STARD13: variants seen among roughly 807,000 people sequenced by gnomAD.
STARD13 encodes stAR-related lipid transfer protein 13.
In STARD13, 62 loss-of-function variants were observed where a neutral mutation model predicts 106.4. That is an observed-to-expected ratio of 0.58 (90% CI 0.48 to 0.72). STARD13 has a LOEUF of 0.72. STARD13 is among the 30% of genes least tolerant of loss of function. STARD13 has a pLI of 0.00. For synonymous variants in STARD13, 565 were observed against 553.0 expected (o/e 1.02, Z -0.31); for missense variants, 1,387 against 1,424.0 (o/e 0.97, Z 0.42).
chr13:33,588,409 A>G, the STARD13 span, among the ~76,000 whole-genome samples: 1 of 152,140 alleles, frequency 6.6e-6, no homozygotes, highest in Non-Finnish European at 1.5e-5. Context: ...GACCTGCTGT[A>G]CTCTCTACTA....
chr13:33,159,991 A>C (rs1882432492), intron 3 of STARD13, among the ~76,000 whole-genome samples: 1 of 152,212 alleles, frequency 6.6e-6, no homozygotes. Flanking sequence ...TGTTTGTAAA[A>C]TGTATATGGA....
chr13:33,128,009 A>G (rs1357886343), intron 5 of STARD13, among the ~76,000 whole-genome samples: 2 of 35,064 alleles, frequency 5.7e-5, no homozygotes, highest in Non-Finnish European at 9.9e-5. Flanking sequence ...ACAGATGTAG[A>G]TGGAGAGATG....
the STARD13 span, among the ~76,000 whole-genome samples, chr13:33,518,457 A>G: frequency 6.6e-6 from 1 of 152,120 alleles, no homozygotes; most frequent in Non-Finnish European, 1.5e-5. Flanking sequence ...CAGCTCAAAA[A>G]GCTATGCCAA....
chr13:33,666,372 C>G, the STARD13 span, among the ~76,000 whole-genome samples: 1 of 152,206 alleles, frequency 6.6e-6, no homozygotes, highest in South Asian at 2.1e-4. Context: ...CGGCTCACTG[C>G]AAGCTCCACC....
chr13:33,400,627 AT>A, the STARD13 span, among the ~76,000 whole-genome samples: 4 of 151,352 alleles, frequency 2.6e-5, no homozygotes, highest in Admixed American at 6.6e-5. Flanking sequence ...TGCCCAGCTA[AT>A]TTTTTTTTGT....
intron 1 of STARD13, among the ~76,000 whole-genome samples, chr13:33,302,683 G>A (rs1440371116): frequency 4.6e-5 from 7 of 152,204 alleles, no homozygotes; most frequent in East Asian, 1.9e-4. Flanking sequence ...TTGGAATTAC[G>A]GGCATGAGTT....
chr13:33,555,392 C>G, the STARD13 span, among the ~76,000 whole-genome samples: 1 of 152,228 alleles, frequency 6.6e-6, no homozygotes, highest in East Asian at 1.9e-4. Context: ...CTCCAACTGT[C>G]TGCATTAACT....
the STARD13 span, among the ~76,000 whole-genome samples, chr13:33,402,047 G>C: frequency 1.3e-5 from 2 of 152,090 alleles, no homozygotes; most frequent in Non-Finnish European, 2.9e-5. Context: ...GGCCCTTTTG[G>C]AAATGCAATC....
chr13:33,110,721 A>G lies in STARD13; in HGVS notation c.2794T>C (p.Ser932Pro). Residue 932 changes from serine (S) to proline (P), a missense_variant, in exon 11 of 14, where the codon TCC becomes CCC. By Grantham distance (74) the Ser-to-Pro change is moderately conservative (BLOSUM62 -1). Transcript: ENST00000336934. Reference protein sequence around the residue: ...KEKFKGWVTCSSTDNTDLAFK... With the variant: ...KEKFKGWVTCPSTDNTDLAFK... ...GCAAGATCTGTATTGTCCGTGCTGG[A>G]GCACGTGACCCATCCTTTGAACTTC... The G allele has an allele frequency of 6.2e-7, 1 of 1,614,234 alleles. No individual in the cohort carries two copies. Among genetic ancestry groups the G allele is most frequent in the Non-Finnish European group, 8.5e-7 (1 of 1,180,032 alleles).
chr13:33,358,724 G>C, the STARD13 span, among the ~76,000 whole-genome samples: 1 of 151,900 alleles, frequency 6.6e-6, no homozygotes, highest in Non-Finnish European at 1.5e-5. Flanking sequence ...TGCACCAATC[G>C]ACACTCTGTA....
In STARD13 at chr13:33,129,137, G is replaced by C. The variant is rs143961677; in HGVS notation, c.1540C>G (p.His514Asp). Residue 514 changes from histidine to aspartate, a missense_variant, in exon 5 of 14, where the codon CAT becomes GAT. Transcript: ENST00000336934. Reference protein sequence around the residue: ...SKDVLPELQTHDTLVGEPGLS... With the variant: ...SKDVLPELQTDDTLVGEPGLS... ...CCAGGTTCCCCAACCAATGTATCAT[G>C]AGTTTGCAGTTCAGGCAAGACATCT... 1.8e-4 allele frequency: 290 copies of C among 1,614,200 alleles called. No homozygotes were observed. The Middle Eastern group carries it at 3.3e-3, about 18-fold the overall frequency.
At chr13:33,488,237 A>G in the STARD13 span, among the ~76,000 whole-genome samples, 29 of 152,160 alleles carry the variant, frequency 1.9e-4, no homozygotes, top group Non-Finnish European at 3.5e-4. Context: ...CATCTCCGCT[A>G]GCACGATTCC....
rs549687112 is a variant in STARD13, at chr13:33,130,284, G to A, written c.393C>T (p.Asp131=). 27 of 1,599,944 alleles carry A rather than the reference G, an allele frequency of 1.7e-5. No individual in the cohort carries two copies. Among genetic ancestry groups the A allele is most frequent in the South Asian group, 1.3e-4 (12 of 90,986 alleles). ...TACAAAGATCTTCCTCATCGGAGTCGTCACCCTGCAGAGCACCAAGGAAAA... is the reference window on the plus strand; with the variant it reads ...TACAAAGATCTTCCTCATCGGAGTCATCACCCTGCAGAGCACCAAGGAAAA... ...LDVNFQRKKG[D]DSDEEDLCIS... The change falls in exon 5 of 14, where the codon GAC becomes GAT. Residue 131 remains aspartate, a synonymous_variant. Coordinates refer to ENST00000336934, the MANE Select transcript of STARD13 (RefSeq NM_178006.4). This position sits in a 1 kb window ranked among gnomAD's most constrained non-coding sequence, Gnocchi z 4.1.
chr13:33,651,108 A>T, the STARD13 span, among the ~76,000 whole-genome samples: 16 of 152,264 alleles, frequency 1.1e-4, no homozygotes, highest in Non-Finnish European at 2.2e-4. Flanking sequence ...ATTGGCTTTT[A>T]TCACAAAGCT....
Position 33,339,822 on chromosome 13 carries a change from C to T in STARD13, c.124+10468G>A, listed in dbSNP as rs575506632. Among the ~76,000 whole-genome samples the T allele has an allele frequency of 5.5e-4, 84 of 152,188 alleles. 3 individuals are homozygous for T. The South Asian group carries it at 0.017, about 32-fold the overall frequency. On this transcript the variant is annotated intron_variant, in intron 1 of 5. Transcript: ENST00000567873. ...GACACAATGGCTGGGCACGGTGGCT[C>T]ATGCCTGTAATCCCAGCACTTTGGG...
the STARD13 span, among the ~76,000 whole-genome samples, chr13:33,384,002 A>C: frequency 6.6e-6 from 1 of 152,274 alleles, no homozygotes; most frequent in South Asian, 2.1e-4. Flanking sequence ...CTGACCAACC[A>C]AGACAACAGA....
At chr13:33,178,454 T>G (rs115720909) in intron 1 of STARD13, among the ~76,000 whole-genome samples, 241 of 152,320 alleles carry the variant, frequency 1.6e-3, no homozygotes, top group African/African-American at 5.5e-3. Flanking sequence ...GGGTTGACAT[T>G]TCTCATGTTA....
At chr13:33,309,161 T>C (rs908794977) in intron 1 of STARD13, among the ~76,000 whole-genome samples, 6 of 152,202 alleles carry the variant, frequency 3.9e-5, no homozygotes, top group Admixed American at 1.3e-4. Context: ...TACATTTTCT[T>C]AATATAAAAG....
the STARD13 span, among the ~76,000 whole-genome samples, chr13:33,526,023 G>C: frequency 6.6e-6 from 1 of 152,112 alleles, no homozygotes; most frequent in African/African-American, 2.4e-5. Context: ...TTTTAAATGT[G>C]CTGCTTAAAA....
Sources: allele counts gnomAD v4.1 joint callset (sites outside exome capture counted in the v4.1 genomes callset), GRCh38; gene constraint gnomAD v4.1.1; non-coding constraint Gnocchi (gnomAD v3.1); transcripts MANE v1.5; gene names NCBI Gene and HGNC (gene_info 2026-07-23, HGNC 2026-07-21).